KCNAB3: variants seen among roughly 807,000 people sequenced by gnomAD.
The protein encoded by KCNAB3 is voltage-gated potassium channel subunit beta-3.
In KCNAB3, 62 loss-of-function variants were observed where a neutral mutation model predicts 67.7. The observed-to-expected ratio is 0.92, with a 90% CI of 0.75 to 1.13. The LOEUF is 1.13. KCNAB3 is among the 50% of genes most tolerant of loss of function. The pLI, the probability that KCNAB3 is intolerant of heterozygous loss-of-function variation, is 0.00. For missense variants in KCNAB3, 514 were observed against 522.9 expected (o/e 0.98, Z 0.17); for synonymous variants, 212 against 205.4 (o/e 1.03, Z -0.27).
chr17:7,924,385 G>C, intron 9 of KCNAB3, 30 bp downstream of exon 9: 4 of 1,610,998 alleles, frequency 2.5e-6, no homozygotes, highest in Non-Finnish European at 2.5e-6. Context: ...CCAGTTGTGG[G>C]ACAGGGGCAA....
At chr17:7,924,787 G>A in intron 8 of KCNAB3, 1 of 924,360 alleles carries the variant, frequency 1.1e-6, no homozygotes, top group Non-Finnish European at 1.5e-6. Flanking sequence ...CTGTCACTCA[G>A]GATGTAGTTC....
At position 7,929,168 on chromosome 17, in the gene KCNAB3, G is replaced by A; in HGVS notation, c.242+26C>T. 1 of 1,610,264 alleles carries A rather than the reference G, an allele frequency of 6.2e-7. No individual in the cohort carries two copies. The highest frequency in any genetic ancestry group is 8.5e-7 in the Non-Finnish European group (1 of 1,178,994). On this transcript the variant is annotated intron_variant, in intron 1 of 13. Coordinates refer to ENST00000303790, the MANE Select transcript of KCNAB3 (RefSeq NM_004732.4). The surrounding 1 kb of genome is among the most constrained non-coding windows in gnomAD (Gnocchi z 5.7). Reference sequence around the variant, plus strand: ...GGGGTCCCGAAAGGAAAGCGGAAGGGGTGGGCTGCCCGGCCACCCCCATAC... The same window carrying A: ...GGGGTCCCGAAAGGAAAGCGGAAGGAGTGGGCTGCCCGGCCACCCCCATAC...
In KCNAB3 at chr17:7,929,212, C is replaced by T. The variant is rs1452773053; in HGVS notation, c.224G>A (p.Gly75Asp). 7 of 1,611,804 alleles carry T rather than the reference C, an allele frequency of 4.3e-6. No individual in the cohort carries two copies. Among genetic ancestry groups the T allele is most frequent in the Non-Finnish European group, 5.9e-6 (7 of 1,179,586 alleles). Residue 75 changes from glycine (G) to aspartate (D), a missense_variant, in exon 1 of 14, where the codon GGC becomes GAC. By Grantham distance (94) the Gly-to-Asp change is moderately conservative. Transcript: ENST00000303790. This position sits in a 1 kb window ranked among gnomAD's most constrained non-coding sequence, Gnocchi z 5.7. The stretch of plus-strand genomic sequence containing the variant: ...CCCATACCTGTATTTCATGCCAGTG[C>T]CTCGGCCGGTGCTCTCTCGGAGGGC... Reference protein sequence around the residue: ...AGALRESTGRGTGMKYRNLGK... With the variant: ...AGALRESTGRDTGMKYRNLGK...
chr17:7,922,974 G>C lies in KCNAB3; in HGVS notation c.*128C>G. 1 of 830,418 alleles carries C rather than the reference G, an allele frequency of 1.2e-6. No homozygotes were observed. The highest frequency in any genetic ancestry group is 2.0e-6 in the Non-Finnish European group (1 of 487,890). 51.4% of individuals were successfully genotyped at this position (830,418 alleles called of 1,614,324 possible). A position where few individuals can be genotyped will look rare whatever the true frequency, so the allele number is the denominator to read the frequency against. ...GTATCACTACTCGAAGCCGGGACTC[G>C]TTGGTGGGCGGGGCTAGTCTGGCTC... On this transcript the variant is annotated 3_prime_UTR_variant, in exon 14 of 14. Coordinates refer to ENST00000303790, the MANE Select transcript of KCNAB3 (RefSeq NM_004732.4).
At chr17:7,923,296 C>CAGCTGTG in intron 13 of KCNAB3, 117 bp from the exon 14 acceptor site, 1 of 1,275,114 alleles carries the variant, frequency 7.8e-7, no homozygotes. Flanking sequence ...GCAAGAGCCG[C>CAGCTGTG]AGCTGTGCCG....
At position 7,923,468 on chromosome 17, in the gene KCNAB3, C is replaced by A; in HGVS notation, c.1125G>T (p.Leu375=). The change falls in exon 13 of 14, where the codon CTG becomes CTT. Residue 375 remains leucine, a synonymous_variant. Transcript: ENST00000303790. The stretch of plus-strand genomic sequence containing the variant: ...GTCCCCGGCTCACCTGTAGCGCGCC[C>A]AGGTGTTCTATCAACTGCTCCGCAC... ...VSSAEQLIEH[L]GALQVLSQLT... is the part of the protein sequence containing the mutation. 6.2e-7 allele frequency: 1 copy of A among 1,611,142 alleles called. No individual in the cohort carries two copies. Among genetic ancestry groups the A allele is most frequent in the East Asian group, 2.2e-5 (1 of 44,586 alleles).
intron 5 of KCNAB3, 41 bp downstream of exon 5, chr17:7,926,018 T>G: frequency 6.2e-7 from 1 of 1,614,172 alleles, no homozygotes; most frequent in Non-Finnish European, 8.5e-7. Context: ...AAAGGATTTT[T>G]GGGTGATCAC....
chr17:7,925,018 T>G lies in KCNAB3; in HGVS notation c.625+79A>C, dbSNP rs536026451. 17 of 1,330,060 alleles carry G rather than the reference T, an allele frequency of 1.3e-5. No individual in the cohort carries two copies. In the South Asian group the frequency reaches 1.9e-4, roughly 15 times the overall value. 82.4% of individuals were successfully genotyped at this position (1,330,060 alleles called of 1,614,324 possible). ...GCCTTGGCCTCCCAACGTCCTGGGATTACAGGAATGAGCCACCGCACCCAG... is the reference window on the plus strand; with the variant it reads ...GCCTTGGCCTCCCAACGTCCTGGGAGTACAGGAATGAGCCACCGCACCCAG... On this transcript the variant is annotated intron_variant, in intron 8 of 13. Transcript: ENST00000303790.
Position 7,929,833 on chromosome 17 carries a change from C to CA in KCNAB3, c.-399_-398insT. 3.9e-6 allele frequency: 4 copies of CA among 1,028,756 alleles called. No individual in the cohort carries two copies. Among genetic ancestry groups the CA allele is most frequent in the Non-Finnish European group, 4.7e-6 (4 of 856,940 alleles). The allele number at this position is 1,028,756 out of a possible 1,614,324, so 63.7% of individuals were successfully genotyped here. ...GCTGCGGGACCCGCTGGGCTCCCAG[C>CA]CGCGTCGGCAGCGGGCCCAGCTCAT... On this transcript the variant is annotated 5_prime_UTR_variant, in exon 1 of 14. Transcript: ENST00000303790. This position sits in a 1 kb window ranked among gnomAD's most constrained non-coding sequence, Gnocchi z 5.7.
intron 8 of KCNAB3, chr17:7,924,765 CAG>C (rs1972169332): frequency 9.1e-7 from 1 of 1,101,776 alleles, no homozygotes; most frequent in South Asian, 2.4e-5. Flanking sequence ...TTTTTTGAGA[CAG>C]GGTCTCACTC....
intron 3 of KCNAB3, 36 bp from the exon 4 acceptor site, chr17:7,927,459 T>G: frequency 6.3e-7 from 1 of 1,594,672 alleles, no homozygotes; most frequent in East Asian, 2.2e-5. Flanking sequence ...CAACTACTGC[T>G]CCTCAGTTAC....
At chr17:7,928,129 T>C (rs2151718823) in intron 1 of KCNAB3, 1 of 529,634 alleles carries the variant, frequency 1.9e-6, no homozygotes, top group South Asian at 2.2e-5. Flanking sequence ...GGGTCTTGTC[T>C]GTGTTTGAGT....
Position 7,929,472 on chromosome 17 carries a change from G to A in KCNAB3, c.-37C>T. 3 of 1,492,112 alleles carry A rather than the reference G, an allele frequency of 2.0e-6. No individual in the cohort carries two copies. Among genetic ancestry groups the A allele is most frequent in the Non-Finnish European group, 2.7e-6 (3 of 1,103,122 alleles). The allele number at this position is 1,492,112 out of a possible 1,614,324, so 92.4% of individuals were successfully genotyped here. A position where few individuals can be genotyped will look rare whatever the true frequency, so the allele number is the denominator to read the frequency against. On this transcript the variant is annotated 5_prime_UTR_variant, in exon 1 of 14. Transcript: ENST00000303790. The surrounding 1 kb of genome is among the most constrained non-coding windows in gnomAD (Gnocchi z 5.7). ...GAGGCGGGGGAGGGGGCTCCGAGGG[G>A]ACGGGAGGGGGGAGCAGGGAAGCCC...
Position 7,924,501 on chromosome 17 carries a change from C to G in KCNAB3, c.626-1G>C. ...ACATAGGTCATGGCTCGCACAATCT[C>G]TAGGTACACAGGAGAGGGAAAGCCT... On this transcript the variant is annotated splice_acceptor_variant, in intron 8 of 13. Coordinates refer to ENST00000303790, the MANE Select transcript of KCNAB3 (RefSeq NM_004732.4). LOFTEE classifies it high-confidence loss of function. The G allele has an allele frequency of 6.2e-7, 1 of 1,613,020 alleles. No individual in the cohort carries two copies. The highest frequency in any genetic ancestry group is 1.1e-5 in the South Asian group (1 of 90,974).
Position 7,929,540 on chromosome 17 carries a change from A to G in KCNAB3, c.-105T>C. Reference sequence around the variant, plus strand: ...GGCGTAGTGGGGCGAACCCCGGCAGAGCGGGAAGGCTGAGGAGGCTGCGGC... The same window carrying G: ...GGCGTAGTGGGGCGAACCCCGGCAGGGCGGGAAGGCTGAGGAGGCTGCGGC... On this transcript the variant is annotated 5_prime_UTR_variant, in exon 1 of 14. Transcript: ENST00000303790. The surrounding 1 kb of genome is among the most constrained non-coding windows in gnomAD (Gnocchi z 5.7). 1 of 1,515,100 alleles carries G rather than the reference A, an allele frequency of 6.6e-7. No homozygotes were observed. Among genetic ancestry groups the G allele is most frequent in the East Asian group, 2.5e-5 (1 of 40,270 alleles). The allele number at this position is 1,515,100 out of a possible 1,614,324, so 93.9% of individuals were successfully genotyped here.
rs777958416 is a variant in KCNAB3 at position 7,924,278 on chromosome 17, T to G, written c.712-13A>C. 8.1e-6 allele frequency: 13 copies of G among 1,614,020 alleles called. No homozygotes were observed. The East Asian group carries it at 2.9e-4, about 36-fold the overall frequency. ...TGGAGTAGGCCTCCTGGGTTGGGGT[T>G]GGGGAAAAGAAAGTGGTCAGAGCAC... is the stretch of plus-strand genomic sequence containing the variant. On this transcript the variant is annotated splice_polypyrimidine_tract_variant and intron_variant, in intron 9 of 13. Coordinates refer to ENST00000303790, the MANE Select transcript of KCNAB3 (RefSeq NM_004732.4).
rs1972358343 is a variant in KCNAB3 at position 7,929,559 on chromosome 17, C to A, written c.-124G>T. 6.8e-7 allele frequency: 1 copy of A among 1,470,796 alleles called. No individual in the cohort carries two copies. 91.1% of individuals were successfully genotyped at this position (1,470,796 alleles called of 1,614,324 possible). On this transcript the variant is annotated 5_prime_UTR_variant, in exon 1 of 14. Transcript: ENST00000303790. The surrounding 1 kb of genome is among the most constrained non-coding windows in gnomAD (Gnocchi z 5.7). The stretch of plus-strand genomic sequence containing the variant: ...CGGCAGAGCGGGAAGGCTGAGGAGG[C>A]TGCGGCGGGAGCCGCCAGGCAGGAT...
rs1343767790 is a variant in KCNAB3 at position 7,923,098 on chromosome 17, C to T, written c.*4G>A. The T allele has an allele frequency of 6.2e-7, 1 of 1,614,072 alleles. No homozygotes were observed. Among genetic ancestry groups the T allele is most frequent in the East Asian group, 2.2e-5 (1 of 44,878 alleles). On this transcript the variant is annotated 3_prime_UTR_variant, in exon 14 of 14. Coordinates refer to ENST00000303790, the MANE Select transcript of KCNAB3 (RefSeq NM_004732.4). ...CCGGGTTGGGTCCCTGCGCCCGCGACAGACTACTTCTTGGAATGCGGCTTG... is the reference window on the plus strand; with the variant it reads ...CCGGGTTGGGTCCCTGCGCCCGCGATAGACTACTTCTTGGAATGCGGCTTG...
At position 7,927,407 on chromosome 17, in the gene KCNAB3, A is replaced by G; in HGVS notation, c.341T>C (p.Leu114Pro). The change falls in exon 4 of 14, where the codon CTG becomes CCG. Residue 114 changes from leucine (L) to proline (P), a missense_variant. Leu to Pro is a moderately conservative substitution (Grantham distance 98, BLOSUM62 -3). Transcript: ENST00000303790. Reference sequence around the variant, plus strand: ...TACACCATGCTCATAGGCTACAGTCAGCACATCCTCTGCTGTCTAGGGAGG... The same window carrying G: ...TACACCATGCTCATAGGCTACAGTCGGCACATCCTCTGCTGTCTAGGGAGG... ...QISDETAEDV[L>P]TVAYEHGVNL... The G allele has an allele frequency of 6.2e-7, 1 of 1,613,996 alleles. No homozygotes were observed. Among genetic ancestry groups the G allele is most frequent in the South Asian group, 1.1e-5 (1 of 91,082 alleles).
Sources: allele counts gnomAD v4.1 joint callset, GRCh38; gene constraint gnomAD v4.1.1; non-coding constraint Gnocchi (gnomAD v3.1); transcripts MANE v1.5; gene names NCBI Gene and HGNC (gene_info 2026-07-23, HGNC 2026-07-21).